The following IGF2R variants were observed in gnomAD, a reference collection of about 807,000 sequenced individuals.
IGF2R encodes the protein insulin like growth factor 2 receptor, also known as cation-independent mannose-6-phosphate receptor.
Under a neutral mutation model 270.6 loss-of-function variants are expected in IGF2R, and 91 were observed. The observed-to-expected ratio is 0.34, with a 90% CI of 0.28 to 0.40. The LOEUF is 0.40. Ranked by LOEUF, IGF2R falls within the 10% of genes least tolerant of loss-of-function variation. IGF2R has a pLI of 1.00. For synonymous variants in IGF2R, 1,316 were observed against 1,258.9 expected (o/e 1.05, Z -0.96); for missense variants, 2,805 against 3,188.3 (o/e 0.88, Z 2.90).
intron 41 of IGF2R, among the ~76,000 whole-genome samples, chr6:160,087,706 G>A (rs943739718): frequency 6.6e-6 from 1 of 152,146 alleles, no homozygotes; most frequent in Non-Finnish European, 1.5e-5. Context: ...TTTTGCTCTT[G>A]TTGCCCAGGC....
At chr6:160,071,736 A>G (rs1490708631) in intron 31 of IGF2R, among the ~76,000 whole-genome samples, 174 bp from the exon 32 acceptor site, 1 of 152,094 alleles carries the variant, frequency 6.6e-6, no homozygotes, top group African/African-American at 2.4e-5. Context: ...GCAGCTCAGG[A>G]CACATTCTGA....
At chr6:160,037,661 A>C (rs1777857406) in intron 10 of IGF2R, among the ~76,000 whole-genome samples, 1 of 152,188 alleles carries the variant, frequency 6.6e-6, no homozygotes, top group South Asian at 2.1e-4. Context: ...TTTTTAAATA[A>C]AGATGTTAGA....
chr6:160,048,683 A>G (rs1025410063), intron 18 of IGF2R, 140 bp downstream of exon 18: 8 of 732,450 alleles, frequency 1.1e-5, no homozygotes, highest in Middle Eastern at 3.9e-4. Flanking sequence ...TGGGGCCTCC[A>G]TGTGAACTCA....
At chr6:160,078,430 G>T in intron 37 of IGF2R, 68 bp downstream of exon 37, 1 of 1,465,164 alleles carries the variant, frequency 6.8e-7, no homozygotes, top group South Asian at 1.2e-5. Context: ...AGGCTGCTGG[G>T]AGTGTTTTGG....
chr6:160,078,507 G>T lies in IGF2R; in HGVS notation c.5478+145G>T, dbSNP rs1232097879. 25 of 736,402 alleles carry T rather than the reference G, an allele frequency of 3.4e-5. No individual in the cohort carries two copies. The East Asian group carries it at 6.1e-4, about 18-fold the overall frequency. The allele number at this position is 736,402 out of a possible 1,614,324, so 45.6% of individuals were successfully genotyped here. Reference sequence around the variant, plus strand: ...TGGGCAGCATCTTGGTGCTCTCGTAGGGCATGCCAGGTCTCAGGAAGGTTC... The same window carrying T: ...TGGGCAGCATCTTGGTGCTCTCGTATGGCATGCCAGGTCTCAGGAAGGTTC... On this transcript the variant is annotated intron_variant, in intron 37 of 47. Transcript: ENST00000356956.
rs903376626 is a variant in IGF2R, at chr6:160,102,069, C to T, written c.6843-450C>T. 1.3e-5 allele frequency among the ~76,000 whole-genome samples: 2 copies of T among 152,180 alleles called. No individual in the cohort carries two copies. The highest frequency in any genetic ancestry group is 6.5e-5 in the Admixed American group (1 of 15,282). The stretch of plus-strand genomic sequence containing the variant: ...TTTCTAAGGCCCCCTGGGCCCCTTT[C>T]GTGTGGAGATGGTGTCTCATGGTGG... On this transcript the variant is annotated intron_variant, in intron 45 of 47. Coordinates refer to ENST00000356956, the MANE Select transcript of IGF2R (RefSeq NM_000876.4). The surrounding 1 kb of genome is among the most constrained non-coding windows in gnomAD (Gnocchi z 4.5).
chr6:160,039,462 C>T (rs1165363142), intron 10 of IGF2R, among the ~76,000 whole-genome samples: 3 of 152,254 alleles, frequency 2.0e-5, no homozygotes, highest in Admixed American at 1.3e-4. Context: ...TTTATGTAGC[C>T]GAGGTGCTGA....
rs1461844165 is a variant in IGF2R at position 160,004,918 on chromosome 6, C to G, written c.290-4092C>G. ...CAAACCTGTCTCCCCAAGCTGGCGG[C>G]TGGGTCGGGTTTTATAAGCATAAGC... On this transcript the variant is annotated intron_variant, in intron 2 of 47. Coordinates refer to ENST00000356956, the MANE Select transcript of IGF2R (RefSeq NM_000876.4). This position sits in a 1 kb window ranked among gnomAD's most constrained non-coding sequence, Gnocchi z 5.2. The G allele has an allele frequency of 6.6e-6, 1 of 152,192 alleles. No individual in the cohort carries two copies. Among genetic ancestry groups the G allele is most frequent in the African/African-American group, 2.4e-5 (1 of 41,408 alleles). The allele number at this position is 152,192 out of a possible 1,614,324, so 9.4% of individuals were successfully genotyped here.
At chr6:160,035,074 T>C (rs1346317227) in intron 10 of IGF2R, among the ~76,000 whole-genome samples, 1 of 152,178 alleles carries the variant, frequency 6.6e-6, no homozygotes, top group African/African-American at 2.4e-5. Context: ...GCGGTGCCGC[T>C]GTCCATATCT....
At chr6:159,977,113 A>T (rs1230479087) in intron 1 of IGF2R, among the ~76,000 whole-genome samples, 1 of 152,190 alleles carries the variant, frequency 6.6e-6, no homozygotes, top group Non-Finnish European at 1.5e-5. Context: ...GCTGATGTGT[A>T]GTCACAGCTG....
chr6:160,045,998 G>C, intron 14 of IGF2R, 116 bp downstream of exon 14: 2 of 869,562 alleles, frequency 2.3e-6, no homozygotes, highest in Non-Finnish European at 3.4e-6. Context: ...TATTCATGCT[G>C]TTTGAACAAA....
In IGF2R at chr6:160,108,081, G is replaced by T. The variant is rs1300387361; in HGVS notation, c.*2997G>T. The T allele has an allele frequency of 6.6e-6, 1 of 152,310 alleles. No individual in the cohort carries two copies. The highest frequency in any genetic ancestry group is 1.5e-5 in the Non-Finnish European group (1 of 68,104). 9.4% of individuals were successfully genotyped at this position (152,310 alleles called of 1,614,324 possible). On this transcript the variant is annotated 3_prime_UTR_variant, in exon 48 of 48. Transcript: ENST00000356956. The stretch of plus-strand genomic sequence containing the variant: ...CCAGTGTGTGTGTCACCAGGAGGTT[G>T]TATGGACGAGACTGGATTTCTGGAA...
At position 160,095,340 on chromosome 6, in the gene IGF2R, G is replaced by A. The variant is rs144501044; in HGVS notation, c.6656-1099G>A. 103 of 152,644 alleles carry A rather than the reference G, an allele frequency of 6.7e-4. 1 individual carries two copies. The highest frequency in any genetic ancestry group is 2.4e-3 in the African/African-American group (101 of 41,560). 9.5% of individuals were successfully genotyped at this position (152,644 alleles called of 1,614,324 possible). A position where few individuals can be genotyped will look rare whatever the true frequency, so the allele number is the denominator to read the frequency against. ...TCTGCTGCATGGTTTATGCCTCAGT[G>A]TTATGTGCACTGGAATGCTTTTCAC... On this transcript the variant is annotated intron_variant, in intron 44 of 47. Coordinates refer to ENST00000356956, the MANE Select transcript of IGF2R (RefSeq NM_000876.4).
chr6:160,098,782 G>C (rs1233181995), intron 45 of IGF2R, among the ~76,000 whole-genome samples: 1 of 152,186 alleles, frequency 6.6e-6, no homozygotes, highest in African/African-American at 2.4e-5. Context: ...TGGCGTCACT[G>C]TACTGCAGCC....
chr6:160,098,443 G>A (rs1779412367), intron 45 of IGF2R, among the ~76,000 whole-genome samples: 1 of 152,182 alleles, frequency 6.6e-6, no homozygotes, highest in African/African-American at 2.4e-5. Flanking sequence ...TTTGAGGGAT[G>A]CAGGTACCAC....
chr6:160,079,283 G>C (rs1778922624), intron 37 of IGF2R, among the ~76,000 whole-genome samples: 1 of 152,208 alleles, frequency 6.6e-6, no homozygotes, highest in Non-Finnish European at 1.5e-5. Context: ...CCACTGCTGG[G>C]TCCCTTCTCA....
chr6:160,069,609 ACTGCT>A (rs1778670116), intron 30 of IGF2R, among the ~76,000 whole-genome samples: 1 of 152,214 alleles, frequency 6.6e-6, no homozygotes, highest in South Asian at 2.1e-4. Flanking sequence ...AAGAATTTCG[ACTGCT>A]ACAGCCTAGC....
rs1252398041 is a variant in IGF2R at position 159,998,502 on chromosome 6, T to C, written c.289+7179T>C. 6.6e-6 allele frequency among the ~76,000 whole-genome samples: 1 copy of C among 151,948 alleles called. No individual in the cohort carries two copies. Among genetic ancestry groups the C allele is most frequent in the Non-Finnish European group, 1.5e-5 (1 of 68,028 alleles). On this transcript the variant is annotated intron_variant, in intron 2 of 47. Transcript: ENST00000356956. The surrounding 1 kb of genome is among the most constrained non-coding windows in gnomAD (Gnocchi z 4.1). ...GGGGAGGTGATGTGATGGAAGGTGT[T>C]TTTAGGAAGCTGGCCCCGTGGAATA...
intron 44 of IGF2R, among the ~76,000 whole-genome samples, chr6:160,090,514 T>C (rs1398729070): frequency 6.6e-6 from 1 of 152,170 alleles, no homozygotes; most frequent in Non-Finnish European, 1.5e-5. Flanking sequence ...GAAACTGGCC[T>C]AAATGTTAGG....
Sources: allele counts gnomAD v4.1 joint callset (sites outside exome capture counted in the v4.1 genomes callset), GRCh38; gene constraint gnomAD v4.1.1; non-coding constraint Gnocchi (gnomAD v3.1); transcripts MANE v1.5; gene names NCBI Gene and HGNC (gene_info 2026-07-23, HGNC 2026-07-21).